GPC6: variants seen among roughly 807,000 people sequenced by gnomAD.
GPC6 encodes the protein glypican 6.
In GPC6, 14 loss-of-function variants were observed where a neutral mutation model predicts 55.2. That is an observed-to-expected ratio of 0.25 (90% CI 0.17 to 0.40). GPC6 has a LOEUF of 0.40. Ranked by LOEUF, GPC6 falls within the 10% of genes least tolerant of loss-of-function variation. GPC6 has a pLI of 1.00. For missense variants in GPC6, 641 were observed against 708.5 expected, an observed-to-expected ratio of 0.90 and a Z score of 1.08; for synonymous variants, 278 against 259.6, an observed-to-expected ratio of 1.07 and a Z score of -0.68.
intron 2 of GPC6, among the ~76,000 whole-genome samples, chr13:93,758,576 T>TATAA (rs1001257368): frequency 3.9e-5 from 6 of 152,120 alleles, no homozygotes; most frequent in Non-Finnish European, 8.8e-5. Context: ...TGAATATATA[T>TATAA]ATAAACTTTT....
chr13:93,912,109 G>T (rs975560434), intron 3 of GPC6, among the ~76,000 whole-genome samples: 1 of 152,150 alleles, frequency 6.6e-6, no homozygotes. Context: ...ATTACAATGG[G>T]ATCCATTCTT....
intron 4 of GPC6, among the ~76,000 whole-genome samples, chr13:94,065,962 A>G (rs1884503011): frequency 6.6e-6 from 1 of 152,220 alleles, no homozygotes; most frequent in Admixed American, 6.5e-5. Context: ...AGAGTTAAAC[A>G]AAGTTGAATG....
intron 3 of GPC6, among the ~76,000 whole-genome samples, chr13:93,915,402 C>T (rs140149211): frequency 9.1e-4 from 139 of 152,268 alleles, no homozygotes; most frequent in Admixed American, 6.8e-3. Flanking sequence ...TCCCTGTACA[C>T]GTCAGCATTT....
chr13:93,866,351 G>T (rs1888963735), intron 3 of GPC6, among the ~76,000 whole-genome samples: 1 of 151,616 alleles, frequency 6.6e-6, no homozygotes, highest in Admixed American at 6.6e-5. Context: ...AGAGCTGTAG[G>T]GTCCAGAAAC....
chr13:93,694,335 G>T (rs1449689705), intron 2 of GPC6, among the ~76,000 whole-genome samples: 1 of 152,138 alleles, frequency 6.6e-6, no homozygotes, highest in African/African-American at 2.4e-5. Context: ...ATCTGGGTGA[G>T]AAATTGGTTG....
chr13:93,496,908 T>C (rs1880322139), intron 1 of GPC6, among the ~76,000 whole-genome samples: 1 of 152,228 alleles, frequency 6.6e-6, no homozygotes, highest in African/African-American at 2.4e-5. Context: ...TCTGCTAGGA[T>C]GAAAAATACA....
At chr13:94,228,404 T>C (rs1594078044) in intron 4 of GPC6, among the ~76,000 whole-genome samples, 2 of 152,298 alleles carry the variant, frequency 1.3e-5, no homozygotes, top group Middle Eastern at 3.4e-3. Context: ...TGAAACTTTA[T>C]GAAGAAGAAG....
intron 2 of GPC6, among the ~76,000 whole-genome samples, chr13:93,766,794 G>T (rs1885141664): frequency 1.3e-5 from 2 of 152,082 alleles, no homozygotes; most frequent in South Asian, 2.1e-4. Flanking sequence ...TCATGTGACT[G>T]GCTTCATTCT....
At chr13:93,656,366 A>G (rs1012744438) in intron 2 of GPC6, among the ~76,000 whole-genome samples, 1 of 152,158 alleles carries the variant, frequency 6.6e-6, no homozygotes, top group Non-Finnish European at 1.5e-5. Flanking sequence ...TTATAAGTAT[A>G]CCAATGAGAA....
intron 4 of GPC6, among the ~76,000 whole-genome samples, chr13:94,257,577 C>T (rs564212078): frequency 3.0e-4 from 46 of 152,228 alleles, no homozygotes; most frequent in African/African-American, 1.1e-3. Context: ...CCCTAGTATT[C>T]CCTCATCACC....
rs144566442 is a variant in GPC6, at chr13:93,438,122, GAA to G, written c.161-107136_161-107135del. 9.0e-3 allele frequency among the ~76,000 whole-genome samples: 1,377 copies of G among 152,182 alleles called. 24 individuals are homozygous for G. Among genetic ancestry groups the G allele is most frequent in the African/African-American group, 0.031 (1,291 of 41,520 alleles). ...ACCTATTCCTGAGACCTACTGCTCAGAAAAAAGTATTATTTTCAAAGTATTAC... is the reference window on the plus strand; with the variant it reads ...ACCTATTCCTGAGACCTACTGCTCAGAAAAGTATTATTTTCAAAGTATTAC... On this transcript the variant is annotated intron_variant, in intron 1 of 8. Coordinates refer to ENST00000377047, the MANE Select transcript of GPC6 (RefSeq NM_005708.5).
intron 1 of GPC6, among the ~76,000 whole-genome samples, chr13:93,389,792 GA>G (rs1041052680): frequency 2.7e-5 from 4 of 148,866 alleles, no homozygotes; most frequent in Non-Finnish European, 4.5e-5. Flanking sequence ...TCTACCATCA[GA>G]AAAAAAAACA....
At chr13:93,863,819 T>C (rs1888884151) in intron 3 of GPC6, among the ~76,000 whole-genome samples, 1 of 151,700 alleles carries the variant, frequency 6.6e-6, no homozygotes, top group African/African-American at 2.4e-5. Flanking sequence ...CTATATTAAA[T>C]TGGGATCAAC....
chr13:93,673,893 C>T lies in GPC6; in HGVS notation c.319+128472C>T, dbSNP rs578141291. ...TGATTACATCATGGACTGGGCAATA[C>T]TGGAGAACACTGAATCCAAAACCAT... On this transcript the variant is annotated intron_variant, in intron 2 of 8. Coordinates refer to ENST00000377047, the MANE Select transcript of GPC6 (RefSeq NM_005708.5). Among the ~76,000 whole-genome samples, 15 of 152,246 alleles carry T rather than the reference C, an allele frequency of 9.9e-5. 1 individual carries two copies. In the South Asian group the frequency reaches 2.1e-3, roughly 21 times the overall value.
intron 1 of GPC6, among the ~76,000 whole-genome samples, chr13:93,364,722 C>T (rs946636319): frequency 3.3e-5 from 5 of 150,714 alleles, no homozygotes; most frequent in South Asian, 2.1e-4. Flanking sequence ...TATACACACA[C>T]ATATATGTAT....
intron 3 of GPC6, among the ~76,000 whole-genome samples, chr13:93,843,746 C>G (rs536289794): frequency 3.9e-4 from 59 of 151,994 alleles, no homozygotes; most frequent in African/African-American, 1.3e-3. Context: ...TTAGACTGAG[C>G]TTTTTTTTGC....
At chr13:94,036,176 G>A (rs1429955618) in intron 4 of GPC6, among the ~76,000 whole-genome samples, 1 of 151,964 alleles carries the variant, frequency 6.6e-6, no homozygotes, top group African/African-American at 2.4e-5. Context: ...GAAAACTTAT[G>A]GTTGTAACTC....
rs56950530 is a variant in GPC6 at position 93,778,593 on chromosome 13, C to T, written c.320-51561C>T. Among the ~76,000 whole-genome samples the T allele has an allele frequency of 2.6e-5, 4 of 152,162 alleles. 1 individual carries two copies. In the South Asian group the frequency reaches 8.3e-4, roughly 32 times the overall value. The stretch of plus-strand genomic sequence containing the variant: ...TGCTTAGATACGGCCTTTGGCAAAA[C>T]TGGTAATATTTTAGGTACCCACTTT... On this transcript the variant is annotated intron_variant, in intron 2 of 8. Transcript: ENST00000377047.
At chr13:93,749,921 G>A (rs530166352) in intron 2 of GPC6, among the ~76,000 whole-genome samples, 3 of 152,146 alleles carry the variant, frequency 2.0e-5, no homozygotes, top group South Asian at 2.1e-4. Flanking sequence ...CCATTTATTG[G>A]GGTATTCTAA....
Sources: gnomAD v4.1 joint callset for allele counts (sites outside exome capture counted in the v4.1 genomes callset) on GRCh38, gnomAD v4.1.1 for gene constraint, MANE v1.5 for transcripts, NCBI Gene and HGNC (gene_info 2026-07-23, HGNC 2026-07-21) for gene names.